The following NF2 variants were observed in gnomAD, a reference collection of about 807,000 sequenced individuals.
NF2 encodes the protein NF2, moesin-ezrin-radixin like (MERLIN) tumor suppressor.
In NF2, 8 loss-of-function variants were observed where a neutral mutation model predicts 83.7. The ratio of observed to expected loss-of-function variants is 0.10; its 90% CI spans 0.06 to 0.17. The LOEUF (loss-of-function observed/expected upper bound fraction) is 0.17, where lower values mean the gene tolerates loss of function less well. NF2 is among the 10% of genes least tolerant of loss of function. NF2 has a pLI of 1.00. For synonymous variants in NF2, 266 were observed against 269.6 expected, an observed-to-expected ratio of 0.99 and a Z score of 0.13; for missense variants, 533 against 744.4, an observed-to-expected ratio of 0.72 and a Z score of 3.31.
intron 4 of NF2, among the ~76,000 whole-genome samples, chr22:29,644,898 G>T (rs1292280130): frequency 6.6e-6 from 1 of 150,528 alleles, no homozygotes; most frequent in African/African-American, 2.5e-5. Context: ...CTCGGCATGA[G>T]AGGGAGACCG....
Position 29,694,337 on chromosome 22 carries a change from A to G in NF2, c.1738-415A>G, listed in dbSNP as rs778914857. Among the ~76,000 whole-genome samples, 2 of 152,242 alleles carry G rather than the reference A, an allele frequency of 1.3e-5. No homozygotes were observed. Among genetic ancestry groups the G allele is most frequent in the Non-Finnish European group, 2.9e-5 (2 of 68,044 alleles). On this transcript the variant is annotated intron_variant, in intron 15 of 15. Coordinates refer to ENST00000338641, the MANE Select transcript of NF2 (RefSeq NM_000268.4). This position sits in a 1 kb window ranked among gnomAD's most constrained non-coding sequence, Gnocchi z 4.1. ...ATGTTGCCAGGGCATGAGGACTAAG[A>G]TGCTTGCCCTGCCAAGCCCGGAGGG... is the stretch of plus-strand genomic sequence containing the variant.
At position 29,643,887 on chromosome 22, in the gene NF2, C is replaced by T. The variant is rs530590204; in HGVS notation, c.447+1602C>T. Among the ~76,000 whole-genome samples the T allele has an allele frequency of 4.0e-3, 607 of 151,728 alleles. 2 individuals carry two copies. Among genetic ancestry groups the T allele is most frequent in the African/African-American group, 0.014 (573 of 41,400 alleles). ...GGCGGCCGGGCAGAGGCGCCCCTCA[C>T]CTCCCGGATGGGGCGGCTGGCCGGG... On this transcript the variant is annotated intron_variant, in intron 4 of 15. Coordinates refer to ENST00000338641, the MANE Select transcript of NF2 (RefSeq NM_000268.4).
intron 1 of NF2, among the ~76,000 whole-genome samples, chr22:29,622,646 ATTTTTTTTTTTT>A (rs35744962): frequency 1.6e-4 from 10 of 63,260 alleles, no homozygotes; most frequent in East Asian, 5.1e-4. Context: ...AAGACCCTGT[ATTTTTTTTTTTT>A]TTTTTTTTTT....
intron 6 of NF2, among the ~76,000 whole-genome samples, chr22:29,656,027 C>T (rs1230251437): frequency 4.0e-5 from 6 of 151,660 alleles, no homozygotes; most frequent in Non-Finnish European, 8.8e-5. Flanking sequence ...CAGCCTTGAC[C>T]TCCTGGGTTC....
intron 13 of NF2, among the ~76,000 whole-genome samples, chr22:29,677,052 T>C (rs181134819): frequency 1.3e-5 from 2 of 152,244 alleles, no homozygotes; most frequent in African/African-American, 2.4e-5. Context: ...CTCAAATGAA[T>C]GTTCCAAGCC....
intron 1 of NF2, among the ~76,000 whole-genome samples, chr22:29,605,110 G>A (rs978527287): frequency 6.6e-6 from 1 of 151,048 alleles, no homozygotes; most frequent in Non-Finnish European, 1.5e-5. Flanking sequence ...TCAGCCTCTC[G>A]AGTAGCTGGG....
chr22:29,683,315 C>T (rs1270017468), intron 15 of NF2: 2 of 1,421,406 alleles, frequency 1.4e-6, no homozygotes, highest in African/African-American at 2.9e-5. Flanking sequence ...TAGGACCAGC[C>T]ATTCTTCCCA....
intron 15 of NF2, among the ~76,000 whole-genome samples, chr22:29,691,869 C>G (rs527612583): frequency 1.3e-5 from 2 of 152,228 alleles, no homozygotes; most frequent in African/African-American, 4.8e-5. Context: ...GGGCTCTCCT[C>G]GTCTCACTGC....
intron 10 of NF2, among the ~76,000 whole-genome samples, chr22:29,668,905 C>T (rs1246445552): frequency 2.0e-5 from 3 of 152,238 alleles, no homozygotes; most frequent in Non-Finnish European, 4.4e-5. Context: ...GCAGGTCAGG[C>T]CTTATGGCAT....
chr22:29,607,316 A>G (rs1241412444), intron 1 of NF2, among the ~76,000 whole-genome samples: 1 of 152,176 alleles, frequency 6.6e-6, no homozygotes, highest in Non-Finnish European at 1.5e-5. Context: ...AAATAATAGA[A>G]CAATATGCCA....
intron 1 of NF2, among the ~76,000 whole-genome samples, chr22:29,607,234 C>T (rs1601522670): frequency 6.6e-6 from 1 of 152,162 alleles, no homozygotes. Flanking sequence ...AAAATGCTTT[C>T]CTCCAAACAG....
chr22:29,690,145 CA>C (rs1023587341), intron 15 of NF2, among the ~76,000 whole-genome samples: 3 of 152,188 alleles, frequency 2.0e-5, no homozygotes, highest in Admixed American at 6.5e-5. Context: ...GGCCATTTCT[CA>C]GAAGTACCCT....
intron 1 of NF2, among the ~76,000 whole-genome samples, chr22:29,631,468 T>C (rs1385832494): frequency 6.6e-6 from 1 of 152,234 alleles, no homozygotes; most frequent in Non-Finnish European, 1.5e-5. Context: ...CTGTCAGACA[T>C]GAACAGGGAC....
chr22:29,607,220 G>GA (rs926180666), intron 1 of NF2, among the ~76,000 whole-genome samples: 9 of 152,136 alleles, frequency 5.9e-5, no homozygotes, highest in Admixed American at 2.6e-4. Context: ...GGCAGAGGTG[G>GA]AAAAAAATGC....
intron 1 of NF2, among the ~76,000 whole-genome samples, chr22:29,614,451 G>A (rs1475630846): frequency 3.3e-5 from 5 of 151,930 alleles, no homozygotes; most frequent in Non-Finnish European, 5.9e-5. Context: ...GCGTGGTGGC[G>A]GGCGCCTGTA....
intron 4 of NF2, among the ~76,000 whole-genome samples, chr22:29,643,928 C>G: frequency 6.7e-6 from 1 of 149,560 alleles, no homozygotes; most frequent in Non-Finnish European, 1.5e-5. Context: ...GGCTGACCCC[C>G]CAACCTCCCT....
chr22:29,664,385 A>G lies in NF2; in HGVS notation c.811-605A>G, dbSNP rs1047717406. Among the ~76,000 whole-genome samples the G allele has an allele frequency of 2.0e-5, 3 of 151,792 alleles. No homozygotes were observed. The South Asian group carries it at 6.3e-4, about 32-fold the overall frequency. Reference sequence around the variant, plus strand: ...AAAAGCTAATACCACACACACACACACACACACACACACACACACACAGCT... The same window carrying G: ...AAAAGCTAATACCACACACACACACGCACACACACACACACACACACAGCT... On this transcript the variant is annotated intron_variant, in intron 8 of 15. Coordinates refer to ENST00000338641, the MANE Select transcript of NF2 (RefSeq NM_000268.4).
At chr22:29,658,999 T>C (rs540965057) in intron 7 of NF2, among the ~76,000 whole-genome samples, 1 of 152,358 alleles carries the variant, frequency 6.6e-6, no homozygotes, top group East Asian at 1.9e-4. Flanking sequence ...ATTGGGTTCC[T>C]ACAGTTGTTG....
chr22:29,604,077 G>T lies in NF2; in HGVS notation c.79G>T (p.Val27Phe), dbSNP rs965231734. Residue 27 changes from valine (V) to phenylalanine (F), a missense_variant, in exon 1 of 16, where the codon GTC becomes TTC. Physicochemically the swap from Val to Phe is conservative, Grantham distance 50. This residue lies in a region of NF2 where 326 missense variants were observed against 475.1 expected (regional missense o/e 0.69). Coordinates refer to ENST00000338641, the MANE Select transcript of NF2 (RefSeq NM_000268.4). Reference sequence around the variant, plus strand: ...ACCCAAGACGTTCACCGTGAGGATCGTCACCATGGACGCCGAGATGGAGTT... The same window carrying T: ...ACCCAAGACGTTCACCGTGAGGATCTTCACCATGGACGCCGAGATGGAGTT... ...KQPKTFTVRI[V>F]TMDAEMEFNC... 1 of 1,607,680 alleles carries T rather than the reference G, an allele frequency of 6.2e-7. No individual in the cohort carries two copies. The highest frequency in any genetic ancestry group is 1.7e-5 in the Admixed American group (1 of 59,146).
Sources: allele counts gnomAD v4.1 joint callset (sites outside exome capture counted in the v4.1 genomes callset), GRCh38; gene constraint gnomAD v4.1.1; regional missense constraint gnomAD v4.1.1; non-coding constraint Gnocchi (gnomAD v3.1); transcripts MANE v1.5; gene names NCBI Gene and HGNC (gene_info 2026-07-23, HGNC 2026-07-21).